The following MYO1D variants were observed in gnomAD, a reference collection of about 807,000 sequenced individuals.
MYO1D encodes unconventional myosin-Id.
MYO1D carries 83 observed loss-of-function variants against 122.0 expected under a neutral mutation model. That is an observed-to-expected ratio of 0.68 (90% CI 0.57 to 0.82). MYO1D has a LOEUF of 0.82. Ranked by LOEUF, MYO1D falls within the 40% of genes least tolerant of loss-of-function variation. The pLI, the probability that MYO1D is intolerant of heterozygous loss-of-function variation, is 0.00. For missense variants in MYO1D, 1,157 were observed against 1,269.5 expected, an observed-to-expected ratio of 0.91 and a Z score of 1.35; for synonymous variants, 464 against 446.9, an observed-to-expected ratio of 1.04 and a Z score of -0.48.
intron 21 of MYO1D, among the ~76,000 whole-genome samples, chr17:32,587,901 T>C (rs969947449): frequency 1.3e-5 from 2 of 152,212 alleles, no homozygotes; most frequent in African/African-American, 4.8e-5. Flanking sequence ...CTTAAACTGT[T>C]GTTATGAAAA....
At chr17:32,513,200 T>C (rs1909756467) in intron 21 of MYO1D, among the ~76,000 whole-genome samples, 1 of 152,056 alleles carries the variant, frequency 6.6e-6, no homozygotes, top group Admixed American at 6.6e-5. Flanking sequence ...AGAGATAAAC[T>C]AGGAGGTATG....
At chr17:32,631,440 G>A (rs2088005031) in intron 20 of MYO1D, among the ~76,000 whole-genome samples, 1 of 152,174 alleles carries the variant, frequency 6.6e-6, no homozygotes, top group Non-Finnish European at 1.5e-5. Flanking sequence ...GAGGCCAGGA[G>A]TTCCAGACCA....
At chr17:32,672,088 G>A (rs1030450427) in intron 16 of MYO1D, among the ~76,000 whole-genome samples, 2 of 152,212 alleles carry the variant, frequency 1.3e-5, no homozygotes, top group African/African-American at 4.8e-5. Flanking sequence ...GGAAGGGAGT[G>A]AGTGCCAGTC....
intron 5 of MYO1D, among the ~76,000 whole-genome samples, chr17:32,771,484 G>A (rs1344041039): frequency 1.3e-5 from 2 of 152,150 alleles, no homozygotes; most frequent in Non-Finnish European, 2.9e-5. Flanking sequence ...TGGCATAAAA[G>A]TTTCTTGCTT....
chr17:32,797,315 T>C (rs751700026), intron 1 of MYO1D, among the ~76,000 whole-genome samples: 8 of 152,230 alleles, frequency 5.3e-5, no homozygotes, highest in Non-Finnish European at 1.0e-4. Flanking sequence ...CCACTTTTCA[T>C]AACATGTGAA....
chr17:32,724,621 G>A (rs1344950013), intron 14 of MYO1D, among the ~76,000 whole-genome samples: 1 of 152,120 alleles, frequency 6.6e-6, no homozygotes, highest in Non-Finnish European at 1.5e-5. Context: ...AGTGATTCTG[G>A]CAGCTTCATG....
At chr17:32,522,135 A>C (rs1423547924) in intron 21 of MYO1D, among the ~76,000 whole-genome samples, 1 of 152,008 alleles carries the variant, frequency 6.6e-6, no homozygotes, top group Non-Finnish European at 1.5e-5. Context: ...GAAATATTCC[A>C]AATATTCAGG....
chr17:32,692,071 G>T (rs1211711299), intron 16 of MYO1D, among the ~76,000 whole-genome samples: 3 of 152,158 alleles, frequency 2.0e-5, no homozygotes, highest in African/African-American at 7.2e-5. Context: ...TTCATAATCT[G>T]CAGTTGCTGA....
chr17:32,535,682 C>T (rs1427492262), intron 21 of MYO1D, among the ~76,000 whole-genome samples: 3 of 152,146 alleles, frequency 2.0e-5, no homozygotes, highest in South Asian at 2.1e-4. Flanking sequence ...ACCCAGGAAG[C>T]GGAGCTTGCA....
Position 32,876,754 on chromosome 17 carries a change from T to G in MYO1D, c.95+24A>C, listed in dbSNP as rs780299232. 38 of 1,485,326 alleles carry G rather than the reference T, an allele frequency of 2.6e-5. 1 individual carries two copies. The South Asian group carries it at 3.8e-4, about 15-fold the overall frequency. The allele number at this position is 1,485,326 out of a possible 1,614,324, so 92.0% of individuals were successfully genotyped here. ...TCGGGAAAGCGCAGCCTCGCGCCCCTGCGCGCGGCCGCTCCGCCCTCACCT... is the reference window on the plus strand; with the variant it reads ...TCGGGAAAGCGCAGCCTCGCGCCCCGGCGCGCGGCCGCTCCGCCCTCACCT... On this transcript the variant is annotated intron_variant, in intron 1 of 21. Coordinates refer to ENST00000318217, the MANE Select transcript of MYO1D (RefSeq NM_015194.3).
rs563302536 is a variant in MYO1D, at chr17:32,736,585, A to C, written c.1746+1668T>G. On this transcript the variant is annotated intron_variant, in intron 14 of 21. Transcript: ENST00000318217. ...GAGTAATAAATGTCTCTCTTATTTA[A>C]GCTACTAATTCAGGGATCTGTTTCA... 2.0e-5 allele frequency among the ~76,000 whole-genome samples: 3 copies of C among 152,348 alleles called. No individual in the cohort carries two copies. The East Asian group carries it at 5.8e-4, about 29-fold the overall frequency.
intron 21 of MYO1D, among the ~76,000 whole-genome samples, chr17:32,524,444 G>A (rs1158865868): frequency 6.6e-6 from 1 of 152,108 alleles, no homozygotes; most frequent in Non-Finnish European, 1.5e-5. Context: ...CCAGGCTGGA[G>A]TGCGGTGGCA....
At chr17:32,578,937 G>A (rs1173109280) in intron 21 of MYO1D, among the ~76,000 whole-genome samples, 1 of 152,098 alleles carries the variant, frequency 6.6e-6, no homozygotes, top group Non-Finnish European at 1.5e-5. Context: ...CAAGTTCCTT[G>A]ACAATCTGGT....
At chr17:32,771,612 C>T (rs1042948859) in intron 5 of MYO1D, among the ~76,000 whole-genome samples, 3 of 152,082 alleles carry the variant, frequency 2.0e-5, no homozygotes, top group African/African-American at 4.8e-5. Flanking sequence ...AATATTGCTA[C>T]GGAAGTAAGA....
chr17:32,685,908 C>A (rs772077739), intron 16 of MYO1D, among the ~76,000 whole-genome samples: 1 of 152,104 alleles, frequency 6.6e-6, no homozygotes, highest in Non-Finnish European at 1.5e-5. Context: ...TTGGCCAATG[C>A]GATATAAATT....
At chr17:32,792,523 C>A (rs1027821934) in intron 1 of MYO1D, 6 of 152,212 alleles carry the variant, frequency 3.9e-5, no homozygotes, top group African/African-American at 4.8e-5. Flanking sequence ...TTCTGCTTCT[C>A]TTGGCAAAAA....
chr17:32,684,466 A>G (rs930845785), intron 16 of MYO1D, among the ~76,000 whole-genome samples: 1 of 152,228 alleles, frequency 6.6e-6, no homozygotes, highest in Middle Eastern at 3.2e-3. Flanking sequence ...AAGAGTACCT[A>G]GCAATAAACA....
intron 21 of MYO1D, among the ~76,000 whole-genome samples, chr17:32,530,634 C>T (rs1369730559): frequency 6.6e-6 from 1 of 152,050 alleles, no homozygotes; most frequent in African/African-American, 2.4e-5. Context: ...AACCCCATCA[C>T]TATATGAAAT....
intron 4 of MYO1D, among the ~76,000 whole-genome samples, chr17:32,773,812 C>T (rs1349422312): frequency 2.6e-5 from 4 of 152,116 alleles, no homozygotes; most frequent in East Asian, 3.9e-4. Flanking sequence ...CAATTATTGT[C>T]GTACAATGGG....
Sources: allele counts gnomAD v4.1 joint callset (sites outside exome capture counted in the v4.1 genomes callset), GRCh38; gene constraint gnomAD v4.1.1; transcripts MANE v1.5; gene names NCBI Gene and HGNC (gene_info 2026-07-23, HGNC 2026-07-21).